ST8SIA2: variants seen among roughly 807,000 people sequenced by gnomAD.
The protein encoded by ST8SIA2 is ST8 alpha-N-acetyl-neuraminide alpha-2,8-sialyltransferase 2, also known as alpha-2,8-sialyltransferase 8B.
A neutral mutation model predicts 37.6 loss-of-function variants in ST8SIA2; 22 were observed. That is an observed-to-expected ratio of 0.58 (90% confidence interval 0.42 to 0.83). The LOEUF is 0.83. Ranked by LOEUF, ST8SIA2 falls within the 40% of genes least tolerant of loss-of-function variation. The probability of loss-of-function intolerance (pLI) is 0.00; values close to 1 mark genes in which losing one functional copy is unlikely to be tolerated. For synonymous variants in ST8SIA2, 205 were observed against 201.2 expected, an observed-to-expected ratio of 1.02 and a Z score of -0.16; for missense variants, 382 against 484.7, an observed-to-expected ratio of 0.79 and a Z score of 1.99.
At chr15:92,463,206 G>A (rs1412262530) in intron 5 of ST8SIA2, among the ~76,000 whole-genome samples, 1 of 152,220 alleles carries the variant, frequency 6.6e-6, no homozygotes, top group Non-Finnish European at 1.5e-5. Flanking sequence ...TCTTGGCTAA[G>A]GTGCACCCTG....
At chr15:92,447,156 T>C (rs1355799364) in intron 5 of ST8SIA2, among the ~76,000 whole-genome samples, 1 of 152,196 alleles carries the variant, frequency 6.6e-6, no homozygotes, top group Non-Finnish European at 1.5e-5. Flanking sequence ...TCAGATTTGC[T>C]ATAAAATTTT....
At chr15:92,406,863 G>A (rs1260167338) in intron 1 of ST8SIA2, among the ~76,000 whole-genome samples, 1 of 151,944 alleles carries the variant, frequency 6.6e-6, no homozygotes, top group Non-Finnish European at 1.5e-5. Context: ...GCGTGGTGGT[G>A]TGCGCCTGTA....
At chr15:92,407,135 T>C (rs944864904) in intron 1 of ST8SIA2, among the ~76,000 whole-genome samples, 3 of 152,172 alleles carry the variant, frequency 2.0e-5, no homozygotes, top group Non-Finnish European at 4.4e-5. Context: ...ATAAAACCCC[T>C]GCAACACCCA....
At chr15:92,405,126 A>C (rs2049498652) in intron 1 of ST8SIA2, among the ~76,000 whole-genome samples, 1 of 152,232 alleles carries the variant, frequency 6.6e-6, no homozygotes, top group African/African-American at 2.4e-5. Flanking sequence ...ATATCCATAC[A>C]ATGGAATATT....
intron 1 of ST8SIA2, among the ~76,000 whole-genome samples, chr15:92,412,483 C>T (rs921098119): frequency 1.3e-5 from 2 of 152,094 alleles, no homozygotes; most frequent in African/African-American, 2.4e-5. Flanking sequence ...AGTTGTGGCC[C>T]ATGCAGACCT....
chr15:92,406,582 G>A (rs2049509476), intron 1 of ST8SIA2, among the ~76,000 whole-genome samples: 1 of 152,264 alleles, frequency 6.6e-6, no homozygotes, highest in Non-Finnish European at 1.5e-5. Flanking sequence ...GCCTTCTACA[G>A]AGCGCCTGCC....
At chr15:92,427,260 C>CAAAAAA (rs55783719) in intron 1 of ST8SIA2, among the ~76,000 whole-genome samples, 1 of 102,642 alleles carries the variant, frequency 9.7e-6, no homozygotes, top group Non-Finnish European at 2.1e-5. Context: ...GGGCACTTGG[C>CAAAAAA]AAAAAAAAAA....
At chr15:92,399,170 ACCTGATTCTGATGTCAATCAAAAGGG>A (rs2049452943) in intron 1 of ST8SIA2, among the ~76,000 whole-genome samples, 1 of 152,146 alleles carries the variant, frequency 6.6e-6, no homozygotes, top group Non-Finnish European at 1.5e-5. Context: ...TCCATTGCAA[ACCTGATTCTGATGTCAATCAAAAGGG>A]CCTGCCTCGA....
intron 4 of ST8SIA2, among the ~76,000 whole-genome samples, chr15:92,441,792 C>A (rs2049805016): frequency 6.6e-6 from 1 of 152,194 alleles, no homozygotes; most frequent in Non-Finnish European, 1.5e-5. Context: ...CTGTATGGAG[C>A]ACTCTGTTTT....
chr15:92,426,987 G>A (rs915769812), intron 1 of ST8SIA2, among the ~76,000 whole-genome samples: 2 of 152,058 alleles, frequency 1.3e-5, no homozygotes, highest in Non-Finnish European at 1.5e-5. Context: ...CCAACTACTC[G>A]GGATGCTGAA....
rs1418526924 is a variant in ST8SIA2, at chr15:92,394,097, C to G, written c.33C>G (p.Ala11=). 1 of 1,557,658 alleles carries G rather than the reference C, an allele frequency of 6.4e-7. No homozygotes were observed. Among genetic ancestry groups the G allele is most frequent in the South Asian group, 1.2e-5 (1 of 84,500 alleles). The change falls in exon 1 of 6, where the codon GCC becomes GCG. Residue 11 remains alanine, a synonymous_variant. Transcript: ENST00000268164. The part of the protein sequence containing the change: MQLQFRSWML[A]ALTLLVVFLI... ...TGCAGTTCCGGAGCTGGATGCTGGCCGCGCTCACGCTGCTCGTGGTCTTCC... is the reference window on the plus strand; with the variant it reads ...TGCAGTTCCGGAGCTGGATGCTGGCGGCGCTCACGCTGCTCGTGGTCTTCC...
At chr15:92,439,888 GC>G (rs965508220) in intron 4 of ST8SIA2, among the ~76,000 whole-genome samples, 2 of 151,838 alleles carry the variant, frequency 1.3e-5, no homozygotes, top group African/African-American at 4.8e-5. Context: ...GTGTGTGGGG[GC>G]CAAGGCCTCC....
intron 1 of ST8SIA2, among the ~76,000 whole-genome samples, chr15:92,407,826 A>G (rs1010602576): frequency 1.1e-4 from 16 of 152,202 alleles, no homozygotes; most frequent in African/African-American, 3.6e-4. Context: ...TTGGTATTCT[A>G]TCTATGGTAG....
intron 3 of ST8SIA2, among the ~76,000 whole-genome samples, chr15:92,435,416 C>T (rs2049749269): frequency 6.6e-6 from 1 of 151,982 alleles, no homozygotes; most frequent in African/African-American, 2.4e-5. Flanking sequence ...GCTGCAGGAG[C>T]AGGAAGCAGG....
chr15:92,405,279 A>T (rs1377588707), intron 1 of ST8SIA2, among the ~76,000 whole-genome samples: 1 of 152,362 alleles, frequency 6.6e-6, no homozygotes, highest in East Asian at 1.9e-4. Context: ...GGAATGGTCA[A>T]ATTGATGGAG....
chr15:92,410,901 G>A (rs1404260022), intron 1 of ST8SIA2, among the ~76,000 whole-genome samples: 1 of 152,154 alleles, frequency 6.6e-6, no homozygotes, highest in East Asian at 1.9e-4. Flanking sequence ...GAATGACATT[G>A]GTGACCTAGA....
intron 5 of ST8SIA2, chr15:92,445,234 G>A: frequency 2.0e-6 from 1 of 490,986 alleles, no homozygotes; most frequent in Non-Finnish European, 3.7e-6. Flanking sequence ...ATGAACATGG[G>A]AGGAGAGATG....
At chr15:92,431,884 A>C (rs2049718421) in intron 2 of ST8SIA2, among the ~76,000 whole-genome samples, 1 of 152,184 alleles carries the variant, frequency 6.6e-6, no homozygotes, top group African/African-American at 2.4e-5. Flanking sequence ...GATGCCATCC[A>C]AATTCACCCT....
At chr15:92,430,447 T>G (rs2049707030) in intron 2 of ST8SIA2, among the ~76,000 whole-genome samples, 2 of 152,220 alleles carry the variant, frequency 1.3e-5, no homozygotes, top group Non-Finnish European at 2.9e-5. Flanking sequence ...GGAACCAGCA[T>G]TTTCACTCAA....
Sources: gnomAD v4.1 joint callset for allele counts (sites outside exome capture counted in the v4.1 genomes callset) on GRCh38, gnomAD v4.1.1 for gene constraint, MANE v1.5 for transcripts, NCBI Gene and HGNC (gene_info 2026-07-23, HGNC 2026-07-21) for gene names.